Variants in MICU1 observed in about 807,000 individuals in gnomAD.
The protein encoded by MICU1 is mitochondrial calcium uptake 1.
Under a neutral mutation model 56.8 loss-of-function variants are expected in MICU1, and 45 were observed. The observed-to-expected ratio is 0.79, with a 90% CI of 0.62 to 1.02. MICU1 has a LOEUF of 1.02. Ranked by LOEUF, MICU1 falls within the 50% of genes least tolerant of loss-of-function variation. The pLI, the probability that MICU1 is intolerant of heterozygous loss-of-function variation, is 0.00. For synonymous variants in MICU1, 186 were observed against 195.1 expected (o/e 0.95, Z 0.39); for missense variants, 504 against 587.1 (o/e 0.86, Z 1.46).
At chr10:72,439,452 T>C (rs915812166) in intron 8 of MICU1, among the ~76,000 whole-genome samples, 4 of 152,186 alleles carry the variant, frequency 2.6e-5, no homozygotes, top group Admixed American at 2.0e-4. Context: ...TCATATTGAA[T>C]GGGCAAAGAC....
Position 72,367,998 on chromosome 10 carries a change from A to G in MICU1, c.*197T>C. 1 of 552,938 alleles carries G rather than the reference A, an allele frequency of 1.8e-6. No homozygotes were observed. Among genetic ancestry groups the G allele is most frequent in the Admixed American group, 3.1e-5 (1 of 32,460 alleles). The allele number at this position is 552,938 out of a possible 1,614,324, so 34.3% of individuals were successfully genotyped here. ...CATGTTTTTGAGAACCTATGGGGAT[A>G]CTCATTGGGCAGAATCAGAGCCCAG... is the stretch of plus-strand genomic sequence containing the variant. On this transcript the variant is annotated 3_prime_UTR_variant, in exon 12 of 12. Coordinates refer to ENST00000361114, the MANE Select transcript of MICU1 (RefSeq NM_001195518.2).
chr10:72,592,033 A>C (rs1841241046), intron 1 of MICU1, among the ~76,000 whole-genome samples: 1 of 147,770 alleles, frequency 6.8e-6, no homozygotes, highest in Non-Finnish European at 1.5e-5. Context: ...TTTTTGAGAC[A>C]GAGCCTCGCT....
intron 8 of MICU1, among the ~76,000 whole-genome samples, chr10:72,473,752 C>T (rs1866019684): frequency 6.6e-6 from 1 of 151,996 alleles, no homozygotes; most frequent in African/African-American, 2.4e-5. Context: ...TACAACAAAA[C>T]GACATTGAAC....
chr10:72,435,065 A>C (rs1864662868), intron 8 of MICU1, among the ~76,000 whole-genome samples: 1 of 152,104 alleles, frequency 6.6e-6, no homozygotes, highest in African/African-American at 2.4e-5. Context: ...TCTCCTCATC[A>C]TTGTGAGTAA....
intron 5 of MICU1, among the ~76,000 whole-genome samples, chr10:72,517,894 C>A (rs369221625): frequency 5.9e-5 from 9 of 151,822 alleles, no homozygotes; most frequent in South Asian, 2.1e-4. Flanking sequence ...AAGCAAACAC[C>A]ACTTATACAC....
intron 6 of MICU1, among the ~76,000 whole-genome samples, chr10:72,501,014 ACTTT>A (rs1280779523): frequency 6.6e-6 from 1 of 152,176 alleles, no homozygotes; most frequent in Non-Finnish European, 1.5e-5. Flanking sequence ...TTATTAACTT[ACTTT>A]AAGAATCAGC....
chr10:72,425,316 C>G (rs1425574695), intron 8 of MICU1, among the ~76,000 whole-genome samples: 1 of 152,174 alleles, frequency 6.6e-6, no homozygotes, highest in Non-Finnish European at 1.5e-5. Context: ...TTTATCTCAC[C>G]AGATAGATTC....
intron 2 of MICU1, among the ~76,000 whole-genome samples, chr10:72,564,560 A>AG (rs1269149050): frequency 1.2e-4 from 18 of 144,680 alleles, no homozygotes; most frequent in East Asian, 5.8e-4. Flanking sequence ...AAAAAAAAAA[A>AG]AAAGAAAAGA....
intron 5 of MICU1, among the ~76,000 whole-genome samples, chr10:72,532,608 CAGAGA>C (rs1006038088): frequency 6.6e-6 from 1 of 152,096 alleles, no homozygotes; most frequent in African/African-American, 2.4e-5. Context: ...CACCAAGGAT[CAGAGA>C]AAAGATGAAG....
At chr10:72,588,797 C>T (rs887305124) in intron 1 of MICU1, among the ~76,000 whole-genome samples, 1 of 152,116 alleles carries the variant, frequency 6.6e-6, no homozygotes, top group African/African-American at 2.4e-5. Context: ...CCATCTCCAC[C>T]CAGTTATGAC....
In MICU1 at chr10:72,623,895, A is replaced by G. The variant is rs372816165; in HGVS notation, c.-2+2115T>C. 1.2e-3 allele frequency among the ~76,000 whole-genome samples: 33 copies of G among 28,680 alleles called. No individual in the cohort carries two copies. In the South Asian group the frequency reaches 0.02, roughly 18 times the overall value. The allele number at this position is 28,680 out of a possible 152,430, so 18.8% of individuals were successfully genotyped here. A position where few individuals can be genotyped will look rare whatever the true frequency, so the allele number is the denominator to read the frequency against. On this transcript the variant is annotated intron_variant, in intron 1 of 11. Transcript: ENST00000361114. ...AATGGCTGAACCCCATCTCCATTTA[A>G]TTAATTAATTAATTAATTAAAAACT...
At chr10:72,556,492 T>C (rs1386832219) in intron 3 of MICU1, among the ~76,000 whole-genome samples, 1 of 151,874 alleles carries the variant, frequency 6.6e-6, no homozygotes, top group Admixed American at 6.6e-5. Flanking sequence ...AGGCATGTGC[T>C]ACCATGCCCA....
intron 1 of MICU1, among the ~76,000 whole-genome samples, chr10:72,598,428 G>C (rs111940498): frequency 2.6e-5 from 4 of 151,766 alleles, no homozygotes; most frequent in African/African-American, 7.3e-5. Flanking sequence ...GCTGATTTTT[G>C]TATTTTTAGT....
At chr10:72,527,361 G>GTTT (rs140772337) in intron 5 of MICU1, among the ~76,000 whole-genome samples, 2 of 150,230 alleles carry the variant, frequency 1.3e-5, no homozygotes, top group African/African-American at 4.9e-5. Context: ...TTTTTCTTTT[G>GTTT]TTTTTGTTTT....
At chr10:72,493,432 T>C (rs1476823587) in intron 6 of MICU1, among the ~76,000 whole-genome samples, 2 of 152,186 alleles carry the variant, frequency 1.3e-5, no homozygotes. Context: ...ATGTGTGTAT[T>C]TGTTTTTTAA....
intron 4 of MICU1, among the ~76,000 whole-genome samples, chr10:72,544,756 T>C (rs1467295235): frequency 6.6e-6 from 1 of 152,220 alleles, no homozygotes; most frequent in East Asian, 1.9e-4. Flanking sequence ...ATGGGACATA[T>C]TCAAATCGTA....
At chr10:72,395,478 C>T (rs893305539) in intron 10 of MICU1, among the ~76,000 whole-genome samples, 14 of 152,206 alleles carry the variant, frequency 9.2e-5, no homozygotes, top group Non-Finnish European at 1.6e-4. Context: ...CAGGGCGGGG[C>T]GTCGCCTCAC....
chr10:72,426,466 T>C (rs959622836), intron 8 of MICU1, among the ~76,000 whole-genome samples: 10 of 151,542 alleles, frequency 6.6e-5, no homozygotes, highest in African/African-American at 2.4e-4. Context: ...GGCACAATCA[T>C]GGCTCACTGC....
chr10:72,445,343 C>T lies in MICU1; in HGVS notation c.934-21972G>A, dbSNP rs564009698. 1.8e-4 allele frequency among the ~76,000 whole-genome samples: 27 copies of T among 152,216 alleles called. 1 individual carries two copies. The highest frequency in any genetic ancestry group is 1.1e-3 in the Admixed American group (17 of 15,276). On this transcript the variant is annotated intron_variant, in intron 8 of 11. Transcript: ENST00000361114. ...ATTTTAGAAAACTCTACTGTATCTT[C>T]AATTTTCATAAAATTCAAATCAGGG...
Sources: allele counts gnomAD v4.1 joint callset (sites outside exome capture counted in the v4.1 genomes callset), GRCh38; gene constraint gnomAD v4.1.1; transcripts MANE v1.5; gene names NCBI Gene and HGNC (gene_info 2026-07-23, HGNC 2026-07-21).